Variants in FSTL5 observed in about 807,000 individuals in gnomAD.
The protein encoded by FSTL5 is follistatin-related protein 5.
Under a neutral mutation model 89.1 loss-of-function variants are expected in FSTL5, and 62 were observed. That is an observed-to-expected ratio of 0.70 (90% CI 0.57 to 0.86). The LOEUF (loss-of-function observed/expected upper bound fraction) is 0.86. Among genes scored for constraint, FSTL5 ranks in the 40% least tolerant of loss-of-function variants. The probability of loss-of-function intolerance (pLI) is 0.00; values close to 1 mark genes in which losing one functional copy is unlikely to be tolerated. For missense variants in FSTL5, 1,057 were observed against 1,001.6 expected, an observed-to-expected ratio of 1.06 and a Z score of -0.75; for synonymous variants, 383 against 346.2, an observed-to-expected ratio of 1.11 and a Z score of -1.18.
intron 15 of FSTL5, among the ~76,000 whole-genome samples, chr4:161,393,968 C>T (rs1054343641): frequency 1.3e-5 from 2 of 152,066 alleles, no homozygotes; most frequent in Non-Finnish European, 2.9e-5. Flanking sequence ...AGAGCAGTGG[C>T]AAGTGTATCT....
chr4:162,046,734 G>A (rs1280440255), intron 2 of FSTL5, among the ~76,000 whole-genome samples: 1 of 151,986 alleles, frequency 6.6e-6, no homozygotes, highest in Non-Finnish European at 1.5e-5. Flanking sequence ...TGTAATTAAT[G>A]GAAATATAAA....
chr4:161,384,696 C>T lies in FSTL5; in HGVS notation c.*1051G>A, dbSNP rs552896275. 11 of 152,252 alleles carry T rather than the reference C, an allele frequency of 7.2e-5. No individual in the cohort carries two copies. The Middle Eastern group carries it at 0.014, about 188-fold the overall frequency. The allele number at this position is 152,252 out of a possible 1,614,324, so 9.4% of individuals were successfully genotyped here. ...TTTACTTACCACTGTCGGGCTACCC[C>T]TTTATTCCCAACTTATATTACTAAT... is the stretch of plus-strand genomic sequence containing the variant. On this transcript the variant is annotated 3_prime_UTR_variant, in exon 16 of 16. Coordinates refer to ENST00000306100, the MANE Select transcript of FSTL5 (RefSeq NM_020116.5).
At chr4:162,105,361 G>A (rs999908339) in intron 2 of FSTL5, among the ~76,000 whole-genome samples, 1 of 152,008 alleles carries the variant, frequency 6.6e-6, no homozygotes, top group Admixed American at 6.6e-5. Flanking sequence ...AAACATCTTC[G>A]TGATTTGATT....
At chr4:162,036,314 G>C (rs1200735222) in intron 2 of FSTL5, among the ~76,000 whole-genome samples, 2 of 151,894 alleles carry the variant, frequency 1.3e-5, no homozygotes, top group African/African-American at 2.4e-5. Flanking sequence ...TTTCATCTTA[G>C]TTGTAGGTAA....
chr4:161,576,350 C>T (rs189623117), intron 8 of FSTL5, among the ~76,000 whole-genome samples: 41 of 152,114 alleles, frequency 2.7e-4, no homozygotes, highest in Admixed American at 2.0e-3. Context: ...AAAAAAGAGC[C>T]GATATAGCCA....
In FSTL5 at chr4:162,148,474, T is replaced by C. The variant is rs577803618; in HGVS notation, c.-17+15141A>G. On this transcript the variant is annotated intron_variant, in intron 1 of 15. Transcript: ENST00000306100. Reference sequence around the variant, plus strand: ...TCCAGTGAGTCCTCAAATTTTAATATATCAACATAATGCTTTATTGAAAAT... The same window carrying C: ...TCCAGTGAGTCCTCAAATTTTAATACATCAACATAATGCTTTATTGAAAAT... Among the ~76,000 whole-genome samples, 27 of 152,336 alleles carry C rather than the reference T, an allele frequency of 1.8e-4. No homozygotes were observed. In the East Asian group the frequency reaches 4.8e-3, roughly 27 times the overall value.
At chr4:161,631,623 A>C (rs1735509426) in intron 7 of FSTL5, among the ~76,000 whole-genome samples, 1 of 152,120 alleles carries the variant, frequency 6.6e-6, no homozygotes, top group Non-Finnish European at 1.5e-5. Flanking sequence ...TCTCTAAATA[A>C]ATTAATAAAT....
At chr4:161,447,022 A>T (rs1288346710) in intron 15 of FSTL5, among the ~76,000 whole-genome samples, 1 of 152,088 alleles carries the variant, frequency 6.6e-6, no homozygotes, top group Non-Finnish European at 1.5e-5. Context: ...TTAAGAGAAT[A>T]CTGGATCCTG....
At chr4:161,985,347 T>C (rs1419013732) in intron 3 of FSTL5, among the ~76,000 whole-genome samples, 5 of 152,186 alleles carry the variant, frequency 3.3e-5, no homozygotes, top group Non-Finnish European at 7.3e-5. Context: ...TATATCATAT[T>C]GTTATATGTC....
chr4:162,146,693 CCCTTCCCTTCCCT>C (rs1733004983), intron 1 of FSTL5, among the ~76,000 whole-genome samples: 1 of 77,404 alleles, frequency 1.3e-5, no homozygotes, highest in African/African-American at 4.3e-5. Context: ...CCCTTCCCTT[CCCTTCCCTTCCCT>C]TCCCCTTCCC....
chr4:161,450,741 ATTTTTTTT>A (rs70937651), intron 15 of FSTL5, among the ~76,000 whole-genome samples: 1 of 131,586 alleles, frequency 7.6e-6, no homozygotes, highest in African/African-American at 2.9e-5. Flanking sequence ...ATTCATCTTC[ATTTTTTTT>A]TTTTTTTTTT....
intron 5 of FSTL5, 95 bp from the exon 6 acceptor site, chr4:161,759,626 T>G: frequency 3.8e-6 from 3 of 784,894 alleles, no homozygotes; most frequent in Non-Finnish European, 5.3e-6. Flanking sequence ...ATAGTTCATT[T>G]CATGTCTGCA....
At chr4:161,968,540 TCCA>T (rs1459996760) in intron 3 of FSTL5, among the ~76,000 whole-genome samples, 2 of 152,072 alleles carry the variant, frequency 1.3e-5, no homozygotes, top group African/African-American at 4.8e-5. Flanking sequence ...AGGACAGAAC[TCCA>T]CCATTTAATA....
At chr4:161,937,296 G>A (rs1024065130) in intron 3 of FSTL5, among the ~76,000 whole-genome samples, 1 of 151,984 alleles carries the variant, frequency 6.6e-6, no homozygotes, top group African/African-American at 2.4e-5. Flanking sequence ...ATCACTTCCA[G>A]AATTCCAAAG....
At chr4:161,816,243 T>G (rs1730322667) in intron 4 of FSTL5, among the ~76,000 whole-genome samples, 1 of 150,200 alleles carries the variant, frequency 6.7e-6, no homozygotes, top group Admixed American at 6.6e-5. Flanking sequence ...CAGGTGAAGA[T>G]GGGTACTTAT....
At chr4:161,396,963 A>T (rs1208764609) in intron 15 of FSTL5, among the ~76,000 whole-genome samples, 1 of 151,946 alleles carries the variant, frequency 6.6e-6, no homozygotes, top group Non-Finnish European at 1.5e-5. Context: ...AATTAATTCA[A>T]CTCTCTTTAC....
chr4:161,737,958 T>C (rs1739877775), intron 6 of FSTL5, among the ~76,000 whole-genome samples: 1 of 152,046 alleles, frequency 6.6e-6, no homozygotes, highest in African/African-American at 2.4e-5. Flanking sequence ...ATTTTCCGAG[T>C]TTTAGGGCTT....
intron 10 of FSTL5, among the ~76,000 whole-genome samples, chr4:161,522,798 TAA>T (rs1223681449): frequency 1.3e-5 from 2 of 151,690 alleles, no homozygotes; most frequent in Non-Finnish European, 2.9e-5. Context: ...AATAAAAGTA[TAA>T]GTGATTCCGA....
At chr4:161,633,987 C>T (rs1735597359) in intron 7 of FSTL5, among the ~76,000 whole-genome samples, 1 of 152,168 alleles carries the variant, frequency 6.6e-6, no homozygotes, top group South Asian at 2.1e-4. Flanking sequence ...AGTTACCTTT[C>T]TATAGAATAG....
Sources: allele counts gnomAD v4.1 joint callset (sites outside exome capture counted in the v4.1 genomes callset), GRCh38; gene constraint gnomAD v4.1.1; transcripts MANE v1.5; gene names NCBI Gene and HGNC (gene_info 2026-07-23, HGNC 2026-07-21).